TEX2: variants seen among roughly 807,000 people sequenced by gnomAD.
The protein encoded by TEX2 is testis expressed 2, also known as testis-expressed protein 2.
TEX2 carries 53 observed loss-of-function variants against 106.9 expected under a neutral mutation model. That is an observed-to-expected ratio of 0.50 (90% CI 0.40 to 0.62). TEX2 has a LOEUF of 0.62. TEX2 is among the 20% of genes least tolerant of loss of function. The pLI, the probability that TEX2 is intolerant of heterozygous loss-of-function variation, is 0.00. For missense variants in TEX2, 1,207 were observed against 1,379.0 expected (o/e 0.88, Z 1.98); for synonymous variants, 523 against 534.8 (o/e 0.98, Z 0.30).
At chr17:64,172,390 T>G (rs1473915821) in intron 6 of TEX2, among the ~76,000 whole-genome samples, 2 of 151,512 alleles carry the variant, frequency 1.3e-5, no homozygotes, top group African/African-American at 4.9e-5. Flanking sequence ...TCCTTTGATC[T>G]CATGCTGAAC....
At chr17:64,174,041 C>G (rs1310542756) in intron 6 of TEX2, among the ~76,000 whole-genome samples, 1 of 151,778 alleles carries the variant, frequency 6.6e-6, no homozygotes, top group African/African-American at 2.4e-5. Context: ...GAGACAGGGT[C>G]TTACTATGTT....
chr17:64,166,162 C>T (rs958137320), intron 7 of TEX2, among the ~76,000 whole-genome samples: 15 of 152,208 alleles, frequency 9.9e-5, no homozygotes, highest in African/African-American at 3.6e-4. Flanking sequence ...CCAGCCTCTT[C>T]AGGATGATTT....
Position 64,148,860 on chromosome 17 carries a change from A to T in TEX2, c.*109T>A. On this transcript the variant is annotated 3_prime_UTR_variant, in exon 12 of 12. Coordinates refer to ENST00000584379, the MANE Select transcript of TEX2 (RefSeq NM_001288732.2). ...AGGCAGAGGGCAGAAGCAGTCCTTT[A>T]AGAAACAGTAGCTGTGGCACAGAGG... 1 of 1,413,602 alleles carries T rather than the reference A, an allele frequency of 7.1e-7. No homozygotes were observed. Among genetic ancestry groups the T allele is most frequent in the Non-Finnish European group, 9.7e-7 (1 of 1,033,434 alleles). 87.6% of individuals were successfully genotyped at this position (1,413,602 alleles called of 1,614,324 possible). A position where few individuals can be genotyped will look rare whatever the true frequency, so the allele number is the denominator to read the frequency against.
intron 2 of TEX2, among the ~76,000 whole-genome samples, chr17:64,199,238 TTTTAC>T (rs1555629773): frequency 6.6e-6 from 1 of 151,366 alleles, no homozygotes; most frequent in Non-Finnish European, 1.5e-5. Flanking sequence ...GTAATTTTAT[TTTTAC>T]TTTATTTTTT....
intron 7 of TEX2, 49 bp from the exon 8 acceptor site, chr17:64,160,982 CAT>C: frequency 6.3e-7 from 1 of 1,590,872 alleles, no homozygotes; most frequent in Non-Finnish European, 8.6e-7. Flanking sequence ...CAAAAAAACA[CAT>C]GACTATAAAT....
At chr17:64,224,142 A>G (rs1555633605) in intron 1 of TEX2, among the ~76,000 whole-genome samples, 2 of 152,262 alleles carry the variant, frequency 1.3e-5, no homozygotes, top group African/African-American at 4.8e-5. Context: ...GTCAGTCAAC[A>G]GTTTCAATCC....
At chr17:64,221,076 T>C (rs1555633232) in intron 1 of TEX2, among the ~76,000 whole-genome samples, 1 of 152,142 alleles carries the variant, frequency 6.6e-6, no homozygotes, top group African/African-American at 2.4e-5. Context: ...CTAGAAGCCA[T>C]TATCCTCAGC....
chr17:64,170,775 G>A (rs1251467172), intron 7 of TEX2, among the ~76,000 whole-genome samples: 1 of 151,912 alleles, frequency 6.6e-6, no homozygotes, highest in Non-Finnish European at 1.5e-5. Context: ...TGGGATTACA[G>A]GCACCCGCCA....
intron 7 of TEX2, among the ~76,000 whole-genome samples, chr17:64,164,091 G>T (rs2031011302): frequency 6.6e-6 from 1 of 152,122 alleles, no homozygotes; most frequent in Non-Finnish European, 1.5e-5. Context: ...ATCATGTTGA[G>T]AGGTTGTCCA....
At chr17:64,240,639 A>G (rs9915054) in intron 1 of TEX2, among the ~76,000 whole-genome samples, 82,722 of 152,028 alleles carry the variant, frequency 0.54, 24,227 homozygotes, top group East Asian at 0.83. Flanking sequence ...ACCTCCTAGC[A>G]TTTGCATGGG....
Position 64,229,650 on chromosome 17 carries a change from C to T in TEX2, c.-25-15408G>A, listed in dbSNP as rs111276864. On this transcript the variant is annotated intron_variant, in intron 1 of 11. Coordinates refer to ENST00000584379, the MANE Select transcript of TEX2 (RefSeq NM_001288732.2). ...TCGTCTTTGAAATCTTTTTAGAAAA[C>T]GCTGACAATAGTGTATATAACACAC... 3.9e-3 allele frequency among the ~76,000 whole-genome samples: 599 copies of T among 152,160 alleles called. 4 individuals are homozygous for T. The highest frequency in any genetic ancestry group is 0.014 in the African/African-American group (582 of 41,516).
At chr17:64,188,679 G>A (rs930261649) in intron 4 of TEX2, among the ~76,000 whole-genome samples, 4 of 151,926 alleles carry the variant, frequency 2.6e-5, no homozygotes, top group African/African-American at 9.7e-5. Flanking sequence ...AGCCGGGCGT[G>A]GTGGTGGGCG....
chr17:64,180,241 C>T (rs889309906), intron 5 of TEX2, among the ~76,000 whole-genome samples: 3 of 152,208 alleles, frequency 2.0e-5, no homozygotes, highest in Non-Finnish European at 4.4e-5. Context: ...TTTTTCCCTT[C>T]CCTAGAGGGA....
intron 5 of TEX2, among the ~76,000 whole-genome samples, chr17:64,186,782 C>T (rs575618275): frequency 2.0e-5 from 3 of 151,960 alleles, no homozygotes; most frequent in African/African-American, 4.8e-5. Flanking sequence ...GCCATGTTCA[C>T]GACACTGCAC....
chr17:64,230,204 G>A (rs1364934140), intron 1 of TEX2, among the ~76,000 whole-genome samples: 1 of 152,048 alleles, frequency 6.6e-6, no homozygotes, highest in African/African-American at 2.4e-5. Flanking sequence ...AGGAATTGAT[G>A]GGAGGAATAT....
intron 4 of TEX2, among the ~76,000 whole-genome samples, chr17:64,188,685 G>A (rs2143863813): frequency 6.6e-6 from 1 of 151,978 alleles, no homozygotes; most frequent in Non-Finnish European, 1.5e-5. Context: ...GCGTGGTGGT[G>A]GGCGCCGGTA....
At position 64,238,215 on chromosome 17, in the gene TEX2, G is replaced by A. The variant is rs541129497; in HGVS notation, c.-25-23973C>T. Among the ~76,000 whole-genome samples, 13 of 152,206 alleles carry A rather than the reference G, an allele frequency of 8.5e-5. No individual in the cohort carries two copies. The South Asian group carries it at 2.3e-3, about 27-fold the overall frequency. ...CTCAGGAAGCTGAGGCAAGAGAATC[G>A]CTTGACCCTGGAGGTGGAGGTTGCA... On this transcript the variant is annotated intron_variant, in intron 1 of 11. Coordinates refer to ENST00000584379, the MANE Select transcript of TEX2 (RefSeq NM_001288732.2).
intron 4 of TEX2, 97 bp downstream of exon 4, chr17:64,193,462 G>GGCTTCCTT (rs2143900605): frequency 7.0e-6 from 7 of 1,001,612 alleles, no homozygotes; most frequent in Non-Finnish European, 9.7e-6. Context: ...GTTCAGGGTG[G>GGCTTCCTT]GCTTCCTTCC....
At chr17:64,152,051 C>A (rs1196099369) in intron 10 of TEX2, among the ~76,000 whole-genome samples, 1 of 152,084 alleles carries the variant, frequency 6.6e-6, no homozygotes, top group East Asian at 1.9e-4. Flanking sequence ...CAATTCAAAA[C>A]CCCTCTTCTG....
Sources: gnomAD v4.1 joint callset for allele counts (sites outside exome capture counted in the v4.1 genomes callset) on GRCh38, gnomAD v4.1.1 for gene constraint, MANE v1.5 for transcripts, NCBI Gene and HGNC (gene_info 2026-07-23, HGNC 2026-07-21) for gene names.